ADAMTSL3: variants seen among roughly 807,000 people sequenced by gnomAD.
ADAMTSL3 encodes the protein ADAMTS like 3, also known as ADAMTS-like protein 3.
A neutral mutation model predicts 201.7 loss-of-function variants in ADAMTSL3; 128 were observed. The observed-to-expected ratio is 0.63, with a 90% CI of 0.55 to 0.73. The LOEUF (loss-of-function observed/expected upper bound fraction) is 0.73. Ranked by LOEUF, ADAMTSL3 falls within the 30% of genes least tolerant of loss-of-function variation. The probability of loss-of-function intolerance (pLI) is 0.00; values close to 1 mark genes in which losing one functional copy is unlikely to be tolerated. For missense variants in ADAMTSL3, 1,990 were observed against 2,119.6 expected, an observed-to-expected ratio of 0.94 and a Z score of 1.20; for synonymous variants, 738 against 748.4, an observed-to-expected ratio of 0.99 and a Z score of 0.23.
intron 26 of ADAMTSL3, among the ~76,000 whole-genome samples, chr15:84,022,110 G>T (rs985143003): frequency 6.6e-6 from 1 of 152,038 alleles, no homozygotes; most frequent in Non-Finnish European, 1.5e-5. Flanking sequence ...ATGGTCTCCA[G>T]CAAACTTACT....
At chr15:83,764,095 C>T (rs926963533) in intron 3 of ADAMTSL3, among the ~76,000 whole-genome samples, 28 of 152,328 alleles carry the variant, frequency 1.8e-4, no homozygotes, top group African/African-American at 6.5e-4. Context: ...ATCTGGTCAG[C>T]TGCCAGCTCC....
chr15:83,701,386 A>G (rs896079210), intron 2 of ADAMTSL3, among the ~76,000 whole-genome samples: 1 of 152,212 alleles, frequency 6.6e-6, no homozygotes, highest in Non-Finnish European at 1.5e-5. Flanking sequence ...ATCATATCCC[A>G]GCCATATTCC....
intron 3 of ADAMTSL3, among the ~76,000 whole-genome samples, chr15:83,706,423 T>C (rs2061852031): frequency 6.6e-6 from 1 of 152,176 alleles, no homozygotes; most frequent in South Asian, 2.1e-4. Flanking sequence ...GACTAGCATA[T>C]GAAAACACTC....
Position 83,654,821 on chromosome 15 carries a change from G to A in ADAMTSL3, c.-34+545G>A, listed in dbSNP as rs2061054669. Among the ~76,000 whole-genome samples the A allele has an allele frequency of 6.6e-6, 1 of 152,140 alleles. No homozygotes were observed. Among genetic ancestry groups the A allele is most frequent in the Non-Finnish European group, 1.5e-5 (1 of 68,030 alleles). ...GGGTGGCGCAGAGTCCCAGGGCCCC[G>A]CACTGGCCGCCTCCCTTCAGCCAGG... On this transcript the variant is annotated intron_variant, in intron 1 of 29. Transcript: ENST00000286744. This position sits in a 1 kb window ranked among gnomAD's most constrained non-coding sequence, Gnocchi z 5.3.
intron 7 of ADAMTSL3, among the ~76,000 whole-genome samples, chr15:83,851,762 C>T (rs1214056827): frequency 3.3e-5 from 5 of 152,096 alleles, no homozygotes; most frequent in Non-Finnish European, 1.5e-5. Context: ...GTTGAGGATG[C>T]ATAACATATA....
chr15:83,866,576 A>AG (rs1325101482), intron 8 of ADAMTSL3, among the ~76,000 whole-genome samples: 2 of 151,396 alleles, frequency 1.3e-5, no homozygotes, highest in Non-Finnish European at 2.9e-5. Context: ...ACATGGACAC[A>AG]GGAAGGGGAA....
At chr15:83,858,740 T>A in intron 7 of ADAMTSL3, 26 bp from the exon 8 acceptor site, 1 of 1,590,702 alleles carries the variant, frequency 6.3e-7, no homozygotes, top group Non-Finnish European at 8.6e-7. Flanking sequence ...CTGGTTTTAT[T>A]GCAGTTGCGT....
chr15:83,773,402 C>G, intron 3 of ADAMTSL3, 121 bp from the exon 4 acceptor site: 5 of 1,124,836 alleles, frequency 4.4e-6, no homozygotes, highest in Non-Finnish European at 2.5e-6. Context: ...GAAGCTCTGT[C>G]TCAATTAAAA....
intron 26 of ADAMTSL3, among the ~76,000 whole-genome samples, chr15:84,022,526 C>G (rs2068222528): frequency 6.6e-6 from 1 of 152,184 alleles, no homozygotes; most frequent in Non-Finnish European, 1.5e-5. Context: ...TCCTGAGTGT[C>G]CAACTAAAAA....
At chr15:83,982,171 G>A (rs1341612844) in intron 20 of ADAMTSL3, 102 bp from the exon 21 acceptor site, 3 of 857,260 alleles carry the variant, frequency 3.5e-6, no homozygotes, top group Non-Finnish European at 3.5e-6. Flanking sequence ...AAAAAGATAC[G>A]TTTGTTAGCC....
chr15:83,823,001 C>G (rs900668562), intron 6 of ADAMTSL3, among the ~76,000 whole-genome samples: 2 of 151,530 alleles, frequency 1.3e-5, no homozygotes, highest in Non-Finnish European at 2.9e-5. Context: ...GAGACCAGCC[C>G]GGCCAACACA....
At chr15:83,784,792 A>AG (rs1445460121) in intron 4 of ADAMTSL3, among the ~76,000 whole-genome samples, 1 of 146,486 alleles carries the variant, frequency 6.8e-6, no homozygotes, top group Non-Finnish European at 1.5e-5. Context: ...ATGATTACTT[A>AG]GGCTTTTTTT....
chr15:83,879,867 G>T (rs2065239674), intron 9 of ADAMTSL3, among the ~76,000 whole-genome samples: 2 of 152,144 alleles, frequency 1.3e-5, no homozygotes, highest in Admixed American at 6.6e-5. Context: ...GGCTAGGTTG[G>T]TAAGTATGTT....
chr15:83,739,232 A>G (rs1259360323), intron 3 of ADAMTSL3, among the ~76,000 whole-genome samples: 1 of 151,974 alleles, frequency 6.6e-6, no homozygotes, highest in Non-Finnish European at 1.5e-5. Context: ...AACATGGATC[A>G]TGCAAGTGTA....
At chr15:83,954,643 C>G (rs1482503588) in intron 19 of ADAMTSL3, among the ~76,000 whole-genome samples, 1 of 152,176 alleles carries the variant, frequency 6.6e-6, no homozygotes, top group Non-Finnish European at 1.5e-5. Context: ...CAGTCTATGC[C>G]TGTCCTTCTT....
At chr15:83,673,945 C>T (rs763593564) in intron 2 of ADAMTSL3, among the ~76,000 whole-genome samples, 8 of 152,006 alleles carry the variant, frequency 5.3e-5, no homozygotes, top group Non-Finnish European at 8.8e-5. Context: ...TTGTATACTG[C>T]GGACTTTTAG....
rs1191969866 is a variant in ADAMTSL3 at position 83,714,876 on chromosome 15, CCCTTCCTTCCTTCCTT to C, written c.189+10415_189+10430del. On this transcript the variant is annotated intron_variant, in intron 3 of 29. Transcript: ENST00000286744. ...TCCCTCCCTCCCTCCCTCCCTCCCT[CCCTTCCTTCCTTCCTT>C]CCTTCCTTCCTTCCTTCCTTCCTTC... Among the ~76,000 whole-genome samples the C allele has an allele frequency of 3.6e-3, 80 of 22,094 alleles. 2 individuals carry two copies. The highest frequency in any genetic ancestry group is 9.4e-3 in the South Asian group (2 of 212). 14.5% of individuals were successfully genotyped at this position (22,094 alleles called of 152,430 possible). A position where few individuals can be genotyped will look rare whatever the true frequency, so the allele number is the denominator to read the frequency against.
At chr15:83,751,554 A>AT (rs1206853332) in intron 3 of ADAMTSL3, among the ~76,000 whole-genome samples, 3 of 151,968 alleles carry the variant, frequency 2.0e-5, no homozygotes, top group Non-Finnish European at 2.9e-5. Context: ...TCTGATGTAA[A>AT]TTTTTTCCAG....
chr15:83,887,804 T>G (rs1484785988), intron 10 of ADAMTSL3, among the ~76,000 whole-genome samples: 3 of 152,172 alleles, frequency 2.0e-5, no homozygotes, highest in African/African-American at 4.8e-5. Context: ...TTGCCCAGGC[T>G]GGTCTCCAAC....
Sources: allele counts gnomAD v4.1 joint callset (sites outside exome capture counted in the v4.1 genomes callset), GRCh38; gene constraint gnomAD v4.1.1; non-coding constraint Gnocchi (gnomAD v3.1); transcripts MANE v1.5; gene names NCBI Gene and HGNC (gene_info 2026-07-23, HGNC 2026-07-21).